Variants in CA8 observed in about 807,000 individuals in gnomAD.
The protein encoded by CA8 is carbonic anhydrase 8 (inactive), also known as carbonic anhydrase-related protein.
In CA8, 22 loss-of-function variants were observed where a neutral mutation model predicts 41.4. That is an observed-to-expected ratio of 0.53 (90% confidence interval 0.38 to 0.76). The LOEUF (loss-of-function observed/expected upper bound fraction) is 0.76. Ranked by LOEUF, CA8 falls within the 30% of genes least tolerant of loss-of-function variation. CA8 has a pLI of 0.00. For missense variants in CA8, 270 were observed against 352.8 expected (o/e 0.77, Z 1.88); for synonymous variants, 121 against 130.6 (o/e 0.93, Z 0.50).
At chr8:60,259,472 T>G (rs1337568183) in intron 3 of CA8, among the ~76,000 whole-genome samples, 1 of 152,188 alleles carries the variant, frequency 6.6e-6, no homozygotes, top group Admixed American at 6.5e-5. Flanking sequence ...AATGAACTAC[T>G]AAAAGAAATA....
At chr8:60,201,615 A>T (rs1039470671) in intron 8 of CA8, among the ~76,000 whole-genome samples, 2 of 152,218 alleles carry the variant, frequency 1.3e-5, no homozygotes, top group Non-Finnish European at 2.9e-5. Flanking sequence ...AAAAATGAAC[A>T]TTCCTTTTGT....
At chr8:60,204,807 G>T (rs979467979) in intron 8 of CA8, among the ~76,000 whole-genome samples, 18 of 152,138 alleles carry the variant, frequency 1.2e-4, no homozygotes, top group African/African-American at 4.3e-4. Context: ...CTGAAAATAT[G>T]GCTTTGAGCT....
At chr8:60,261,918 G>C (rs1803745761) in intron 3 of CA8, among the ~76,000 whole-genome samples, 1 of 151,984 alleles carries the variant, frequency 6.6e-6, no homozygotes, top group South Asian at 2.1e-4. Context: ...CACCATATTA[G>C]CCAGGATGGT....
chr8:60,227,003 C>G, intron 4 of CA8, 68 bp from the exon 5 acceptor site: 1 of 1,102,466 alleles, frequency 9.1e-7, no homozygotes, highest in East Asian at 2.4e-5. Context: ...TAAAAAAAAA[C>G]TAATAGGGCT....
At chr8:60,247,471 A>G (rs6471852) in intron 3 of CA8, among the ~76,000 whole-genome samples, 71,872 of 151,946 alleles carry the variant, frequency 0.47, 19,718 homozygotes, top group African/African-American at 0.77. Context: ...TGTTCTCATC[A>G]TTCAACTTCC....
chr8:60,193,691 G>A lies in CA8; in HGVS notation c.*36-3706C>T, dbSNP rs967538547. Among the ~76,000 whole-genome samples, 7 of 152,220 alleles carry A rather than the reference G, an allele frequency of 4.6e-5. No individual in the cohort carries two copies. In the East Asian group the frequency reaches 1.2e-3, roughly 25 times the overall value. ...ATTCCAGATTCCTTGATTTTGACAT[G>A]TTTGTTGCTTTGGTTTTTGCCATTC... is the stretch of plus-strand genomic sequence containing the variant. On this transcript the variant is annotated intron_variant, in intron 8 of 8. Transcript: ENST00000317995.
chr8:60,267,030 G>A (rs747529721), intron 2 of CA8, among the ~76,000 whole-genome samples: 1 of 152,148 alleles, frequency 6.6e-6, no homozygotes, highest in Non-Finnish European at 1.5e-5. Flanking sequence ...TTGCCTTTGA[G>A]GAGGACATAA....
chr8:60,207,225 C>T (rs1045748039), intron 8 of CA8, among the ~76,000 whole-genome samples: 2 of 152,198 alleles, frequency 1.3e-5, no homozygotes, highest in Admixed American at 6.5e-5. Flanking sequence ...TACTTTGGCC[C>T]GTAACCTAAC....
At chr8:60,211,319 T>C (rs1195984861) in intron 7 of CA8, among the ~76,000 whole-genome samples, 1 of 152,244 alleles carries the variant, frequency 6.6e-6, no homozygotes, top group African/African-American at 2.4e-5. Context: ...GCTACAGTTG[T>C]ATATGCAGAA....
intron 5 of CA8, among the ~76,000 whole-genome samples, chr8:60,225,750 T>C (rs1722263955): frequency 6.6e-6 from 1 of 152,206 alleles, no homozygotes; most frequent in South Asian, 2.1e-4. Context: ...CCAGCAGCCC[T>C]ACAAGACTAG....
At chr8:60,250,112 C>T (rs113445892) in intron 3 of CA8, among the ~76,000 whole-genome samples, 5 of 152,240 alleles carry the variant, frequency 3.3e-5, no homozygotes, top group African/African-American at 1.2e-4. Context: ...AAAACAGCAA[C>T]CGTTACCCCA....
At chr8:60,240,733 A>AG (rs1807995978) in intron 3 of CA8, among the ~76,000 whole-genome samples, 1 of 47,812 alleles carries the variant, frequency 2.1e-5, no homozygotes, top group South Asian at 5.8e-4. Context: ...CTCAGCCCCC[A>AG]AAAAATCCAA....
intron 3 of CA8, among the ~76,000 whole-genome samples, chr8:60,262,699 A>G (rs932078243): frequency 6.6e-6 from 1 of 152,196 alleles, no homozygotes; most frequent in Admixed American, 6.5e-5. Context: ...AGGAGGAAAA[A>G]TGTAGCATGA....
chr8:60,275,667 A>G (rs4737555), intron 2 of CA8, among the ~76,000 whole-genome samples: 24,278 of 152,052 alleles, frequency 0.16, 2,180 homozygotes, highest in African/African-American at 0.22. Flanking sequence ...TTATCAATGA[A>G]ATAATATAAG....
intron 3 of CA8, chr8:60,265,156 A>T (rs1803858558): frequency 6.6e-6 from 1 of 152,126 alleles, no homozygotes; most frequent in Non-Finnish European, 1.5e-5. Context: ...GTCTATCTCC[A>T]CTGTGCCTGG....
chr8:60,219,320 G>A (rs1278516904), intron 7 of CA8, among the ~76,000 whole-genome samples: 7 of 151,956 alleles, frequency 4.6e-5, no homozygotes, highest in South Asian at 2.1e-4. Flanking sequence ...CACCACACCC[G>A]GCTAATTTTG....
intron 3 of CA8, among the ~76,000 whole-genome samples, chr8:60,255,103 A>C (rs924240148): frequency 8.5e-5 from 13 of 152,106 alleles, no homozygotes; most frequent in African/African-American, 3.1e-4. Flanking sequence ...GGTTTCTGTA[A>C]GGAGGGGTTT....
At chr8:60,235,845 T>A (rs1807811004) in intron 3 of CA8, among the ~76,000 whole-genome samples, 1 of 152,144 alleles carries the variant, frequency 6.6e-6, no homozygotes, top group South Asian at 2.1e-4. Flanking sequence ...GCAATGAATA[T>A]TATTATTATG....
At chr8:60,212,619 T>A (rs1039974253) in intron 7 of CA8, among the ~76,000 whole-genome samples, 1 of 152,224 alleles carries the variant, frequency 6.6e-6, no homozygotes, top group Non-Finnish European at 1.5e-5. Context: ...GAGAGAAGAA[T>A]GGCAGCTGCC....
Sources: gnomAD v4.1 joint callset for allele counts (sites outside exome capture counted in the v4.1 genomes callset) on GRCh38, gnomAD v4.1.1 for gene constraint, MANE v1.5 for transcripts, NCBI Gene and HGNC (gene_info 2026-07-23, HGNC 2026-07-21) for gene names.